Variants in PREX1 observed in about 807,000 individuals in gnomAD.
The protein encoded by PREX1 is phosphatidylinositol 3,4,5-trisphosphate-dependent Rac exchanger 1 protein.
A neutral mutation model predicts 198.3 loss-of-function variants in PREX1; 41 were observed. The observed-to-expected ratio is 0.21, with a 90% confidence interval of 0.16 to 0.27. The LOEUF is 0.27. PREX1 is among the 10% of genes least tolerant of loss of function. PREX1 has a pLI of 1.00. For missense variants in PREX1, 1,620 were observed against 2,200.7 expected (o/e 0.74, Z 5.28); for synonymous variants, 843 against 887.2 (o/e 0.95, Z 0.89).
In PREX1 at chr20:48,642,444, T is replaced by C. The variant is rs1465136289; in HGVS notation, c.3647A>G (p.Asp1216Gly). The C allele has an allele frequency of 6.2e-7, 1 of 1,613,700 alleles. No individual in the cohort carries two copies. The highest frequency in any genetic ancestry group is 8.5e-7 in the Non-Finnish European group (1 of 1,179,688). ...GTGCTCCAGGCAGCCATGAAGCTTG[T>C]CCTGCTTGTCAGATGGGATCCGCAT... Reference protein sequence around the residue: ...CDMRIPSDKQDKLHGCLEHLF... With the variant: ...CDMRIPSDKQGKLHGCLEHLF... Residue 1216 changes from aspartate to glycine, a missense_variant, in exon 28 of 40, where the codon GAC becomes GGC. Transcript: ENST00000371941.
intron 15 of PREX1, among the ~76,000 whole-genome samples, chr20:48,661,753 C>T (rs1239935620): frequency 1.3e-5 from 2 of 151,564 alleles, no homozygotes; most frequent in African/African-American, 2.4e-5. Context: ...CTTTCATAGA[C>T]GGGGAGACTA....
intron 1 of PREX1, among the ~76,000 whole-genome samples, chr20:48,788,015 G>C (rs1271204966): frequency 6.6e-6 from 1 of 152,188 alleles, no homozygotes; most frequent in Non-Finnish European, 1.5e-5. Context: ...GATGGCGGAG[G>C]CTTCGAGATT....
Position 48,773,143 on chromosome 20 carries a change from G to A in PREX1, c.220-25263C>T, listed in dbSNP as rs151242500. On this transcript the variant is annotated intron_variant, in intron 1 of 39. Transcript: ENST00000371941. ...TTATCTGGGTGAGGTGGCAGGTGTCGGTAATCTCTGCTACTCGGGAGGCTG... is the reference window on the plus strand; with the variant it reads ...TTATCTGGGTGAGGTGGCAGGTGTCAGTAATCTCTGCTACTCGGGAGGCTG... Among the ~76,000 whole-genome samples, 9 of 151,858 alleles carry A rather than the reference G, an allele frequency of 5.9e-5. No homozygotes were observed. In the East Asian group the frequency reaches 9.7e-4, roughly 16 times the overall value.
chr20:48,833,462 G>C, the PREX1 span, among the ~76,000 whole-genome samples: 1 of 135,302 alleles, frequency 7.4e-6, no homozygotes, highest in Non-Finnish European at 1.6e-5. Context: ...TTTTTTTTGA[G>C]ATGGAGTCTC....
intron 18 of PREX1, chr20:48,656,412 A>G: frequency 3.3e-6 from 1 of 305,378 alleles, no homozygotes; most frequent in Non-Finnish European, 6.3e-6. Flanking sequence ...GGTCCTTGCC[A>G]GGGGCCTCCA....
At chr20:48,627,747 G>A in intron 38 of PREX1, 114 bp downstream of exon 38, 2 of 1,397,456 alleles carry the variant, frequency 1.4e-6, no homozygotes, top group Non-Finnish European at 2.0e-6. Context: ...TCCAGATTCA[G>A]AGAAGGCTCA....
chr20:48,705,461 C>G (rs893232083), intron 6 of PREX1, among the ~76,000 whole-genome samples: 2 of 152,230 alleles, frequency 1.3e-5, no homozygotes. Flanking sequence ...AAACAAGCCC[C>G]TTGTCAGACA....
At chr20:48,692,091 T>C (rs530770705) in intron 8 of PREX1, among the ~76,000 whole-genome samples, 26 of 152,288 alleles carry the variant, frequency 1.7e-4, no homozygotes, top group African/African-American at 5.8e-4. Context: ...GTTTTCTCCA[T>C]GTTGCCCAGG....
chr20:48,837,068 G>A, the PREX1 span, among the ~76,000 whole-genome samples: 1 of 152,080 alleles, frequency 6.6e-6, no homozygotes, highest in African/African-American at 2.4e-5. Context: ...TGAAGCATAG[G>A]AAAATACTTA....
In PREX1 at chr20:48,625,850, C is replaced by T. The variant is rs746121588; in HGVS notation, c.*35G>A. ...GCTGTGTCCTCCCAAATCCCAGCTCCAGAGGCCGCGGCCCAGCGTGGGGCA... is the reference window on the plus strand; with the variant it reads ...GCTGTGTCCTCCCAAATCCCAGCTCTAGAGGCCGCGGCCCAGCGTGGGGCA... On this transcript the variant is annotated 3_prime_UTR_variant, in exon 40 of 40. Transcript: ENST00000371941. 58 of 1,541,510 alleles carry T rather than the reference C, an allele frequency of 3.8e-5. No individual in the cohort carries two copies. The highest frequency in any genetic ancestry group is 4.7e-5 in the Non-Finnish European group (54 of 1,142,368).
chr20:48,795,070 C>T (rs139405373), intron 1 of PREX1, among the ~76,000 whole-genome samples: 2,060 of 152,210 alleles, frequency 0.014, 41 homozygotes, highest in African/African-American at 0.047. Context: ...TAACATGACA[C>T]CTGATGTGTC....
chr20:48,646,101 C>T (rs1229444793), intron 25 of PREX1, 44 bp from the exon 26 acceptor site: 17 of 1,579,316 alleles, frequency 1.1e-5, no homozygotes, highest in Admixed American at 1.7e-5. Context: ...AGGCCTGGCC[C>T]TTTGTGTCCC....
At chr20:48,830,813 C>T (rs931439092), upstream of PREX1, among the ~76,000 whole-genome samples, 1 of 152,190 alleles carries the variant, frequency 6.6e-6, no homozygotes, top group Non-Finnish European at 1.5e-5. Flanking sequence ...ATCATAAAGT[C>T]GTTGCAAGGT....
At chr20:48,768,819 G>A (rs2122871201) in intron 1 of PREX1, among the ~76,000 whole-genome samples, 1 of 152,192 alleles carries the variant, frequency 6.6e-6, no homozygotes, top group South Asian at 2.1e-4. Context: ...GATAAAGACT[G>A]GCAAGGGGCT....
At chr20:48,716,877 A>G (rs934272108) in intron 5 of PREX1, among the ~76,000 whole-genome samples, 2 of 152,188 alleles carry the variant, frequency 1.3e-5, no homozygotes, top group Non-Finnish European at 1.5e-5. Flanking sequence ...GTAAGAAAGC[A>G]GCCTCCTGAG....
chr20:48,743,583 G>A (rs1310358761), intron 3 of PREX1, among the ~76,000 whole-genome samples: 1 of 152,226 alleles, frequency 6.6e-6, no homozygotes, highest in Non-Finnish European at 1.5e-5. Context: ...CAAAGATGGA[G>A]GAGCGTCCGC....
intron 1 of PREX1, among the ~76,000 whole-genome samples, chr20:48,764,580 T>G (rs1409596630): frequency 1.3e-5 from 2 of 151,988 alleles, no homozygotes; most frequent in Admixed American, 6.6e-5. Context: ...GTCAGGATTT[T>G]GAGACCAGCC....
chr20:48,850,628 A>G, the PREX1 span, among the ~76,000 whole-genome samples: 1 of 151,946 alleles, frequency 6.6e-6, no homozygotes, highest in Non-Finnish European at 1.5e-5. Flanking sequence ...TTTTTTAAGG[A>G]TAAGAAGCTC....
intron 1 of PREX1, among the ~76,000 whole-genome samples, chr20:48,755,427 A>T (rs2090152089): frequency 1.3e-5 from 2 of 152,218 alleles, no homozygotes; most frequent in South Asian, 4.1e-4. Flanking sequence ...CCTTGCAGCT[A>T]GGTGTGGGCA....
Sources: allele counts gnomAD v4.1 joint callset (sites outside exome capture counted in the v4.1 genomes callset), GRCh38; gene constraint gnomAD v4.1.1; transcripts MANE v1.5; gene names NCBI Gene and HGNC (gene_info 2026-07-23, HGNC 2026-07-21).